TMEM255A: variants seen among roughly 807,000 people sequenced by gnomAD.
TMEM255A encodes the protein family with sequence similarity 70, member A.
Under a neutral mutation model 23.5 loss-of-function variants are expected in TMEM255A, and 14 were observed. The observed-to-expected ratio is 0.60, with a 90% CI of 0.39 to 0.93. The LOEUF is 0.93. Ranked by LOEUF, TMEM255A falls within the 40% of genes least tolerant of loss-of-function variation. The probability of loss-of-function intolerance (pLI) is 0.00; values close to 1 mark genes in which losing one functional copy is unlikely to be tolerated. For missense variants in TMEM255A, 233 were observed against 261.7 expected (o/e 0.89, Z 0.76); for synonymous variants, 104 against 100.3 (o/e 1.04, Z -0.22).
chrX:120,254,660 C>A, downstream of TMEM255A: 1 of 1,211,730 alleles, frequency 8.3e-7, no homozygotes, highest in Non-Finnish European at 1.1e-6. Flanking sequence ...GTCAGAAGAT[C>A]ATTACTTTAG....
At chrX:120,297,138 ATATAT>A (rs1429427919) in intron 2 of TMEM255A, among the ~76,000 whole-genome samples, 3 of 47,220 alleles carry the variant, frequency 6.4e-5, no homozygotes, top group Non-Finnish European at 1.0e-4. Context: ...ATAATATTAT[ATATAT>A]TATATTATAT....
chrX:120,263,876 T>A (rs1282283834), intron 8 of TMEM255A, among the ~76,000 whole-genome samples: 1 of 111,610 alleles, frequency 9.0e-6, no homozygotes, highest in Non-Finnish European at 1.9e-5. Context: ...CTCAGCAACC[T>A]GTGCCATAAA....
At chrX:120,282,006 G>T (rs1327345869) in intron 6 of TMEM255A, among the ~76,000 whole-genome samples, 4 of 112,178 alleles carry the variant, frequency 3.6e-5, no homozygotes, top group African/African-American at 1.3e-4. Flanking sequence ...TGATGTTTTT[G>T]TTCCCACTTT....
At chrX:120,281,391 A>C (rs2057836323) in intron 6 of TMEM255A, among the ~76,000 whole-genome samples, 1 of 112,232 alleles carries the variant, frequency 8.9e-6, no homozygotes, top group Non-Finnish European at 1.9e-5. Context: ...CAAAGTAGGC[A>C]GCAGAAGATC....
chrX:120,267,973 G>C lies in TMEM255A; in HGVS notation c.819+271C>G, dbSNP rs1373336911. Reference sequence around the variant, plus strand: ...CTTGGTGTAGTTTAAGGCAATTTGGGATACCTTGATCCTACCTCCCTCTCT... The same window carrying C: ...CTTGGTGTAGTTTAAGGCAATTTGGCATACCTTGATCCTACCTCCCTCTCT... On this transcript the variant is annotated intron_variant, in intron 8 of 8. Coordinates refer to ENST00000371369, the MANE Select transcript of TMEM255A (RefSeq NM_001104544.3). 2.3e-4 allele frequency among the ~76,000 whole-genome samples: 25 copies of C among 110,712 alleles called. No homozygotes were observed. The Admixed American group carries it at 2.3e-3, about 10-fold the overall frequency.
At chrX:120,309,515 G>T (rs2058085444) in intron 1 of TMEM255A, among the ~76,000 whole-genome samples, 1 of 113,068 alleles carries the variant, frequency 8.8e-6, no homozygotes, top group African/African-American at 3.2e-5. Flanking sequence ...TTTGCAGGTG[G>T]TTAGGTGGTT....
In TMEM255A at chrX:120,260,023, G is replaced by A. The variant is rs1437869567; in HGVS notation, c.*847C>T. 3 of 487,325 alleles carry A rather than the reference G, an allele frequency of 6.2e-6. No homozygotes were observed. The highest frequency in any genetic ancestry group is 2.6e-5 in the African/African-American group (1 of 38,408). The allele number at this position is 487,325 out of a possible 1,213,427, so 40.2% of individuals were successfully genotyped here. A position where few individuals can be genotyped will look rare whatever the true frequency, so the allele number is the denominator to read the frequency against. Reference sequence around the variant, plus strand: ...AAAGATTAGTAACAATTCATATCACGACCCAAGAACCTAATTTATAACATT... The same window carrying A: ...AAAGATTAGTAACAATTCATATCACAACCCAAGAACCTAATTTATAACATT... On this transcript the variant is annotated 3_prime_UTR_variant, in exon 9 of 9. Transcript: ENST00000371369.
chrX:120,305,293 T>C (rs781955381), intron 1 of TMEM255A, among the ~76,000 whole-genome samples: 15 of 111,627 alleles, frequency 1.3e-4, no homozygotes, highest in African/African-American at 4.6e-4. Flanking sequence ...AGAAAAATGG[T>C]ATCTAGGCTC....
intron 8 of TMEM255A, among the ~76,000 whole-genome samples, chrX:120,266,505 G>A (rs1294686844): frequency 2.7e-5 from 3 of 111,719 alleles, no homozygotes; most frequent in Admixed American, 9.4e-5. Flanking sequence ...TCTGGGGTAG[G>A]ATTTGAATGA....
chrX:120,269,362 C>G lies in TMEM255A; in HGVS notation c.676-975G>C, dbSNP rs191216657. ...GTGGGGTAAATGATTTTTCCATCTT[C>G]TATGTCATTGATACCTCCCCCATTC... On this transcript the variant is annotated intron_variant, in intron 7 of 8. Transcript: ENST00000371369. 4.5e-5 allele frequency among the ~76,000 whole-genome samples: 5 copies of G among 111,803 alleles called. No individual in the cohort carries two copies. The East Asian group carries it at 8.4e-4, about 19-fold the overall frequency.
intron 7 of TMEM255A, 51 bp from the exon 8 acceptor site, chrX:120,268,438 A>G: frequency 1.8e-5 from 18 of 1,016,409 alleles, no homozygotes; most frequent in Non-Finnish European, 2.4e-5. Context: ...CACTAGGAGA[A>G]TGGTTAAATA....
At chrX:120,269,646 C>G (rs782045531) in intron 7 of TMEM255A, among the ~76,000 whole-genome samples, 1 of 111,558 alleles carries the variant, frequency 9.0e-6, no homozygotes, top group Admixed American at 9.5e-5. Context: ...AGCTACAAAC[C>G]TCAGTCATAA....
chrX:120,309,921 T>G (rs1175322948), intron 1 of TMEM255A: 1 of 111,599 alleles, frequency 9.0e-6, no homozygotes, highest in Non-Finnish European at 1.9e-5. Context: ...TTATACTGAA[T>G]ATGCAAAACC....
At chrX:120,300,352 CTTTG>C (rs2058024696) in intron 2 of TMEM255A, among the ~76,000 whole-genome samples, 1 of 110,833 alleles carries the variant, frequency 9.0e-6, no homozygotes, top group African/African-American at 3.3e-5. Flanking sequence ...TCCAGTTTGT[CTTTG>C]TTTGTTGGTG....
chrX:120,283,286 C>T (rs1029544107), intron 6 of TMEM255A, among the ~76,000 whole-genome samples: 1 of 110,819 alleles, frequency 9.0e-6, no homozygotes, highest in African/African-American at 3.3e-5. Context: ...AATCCCTAAA[C>T]CTCATTTGAA....
At chrX:120,295,721 C>G (rs1361242383) in intron 2 of TMEM255A, among the ~76,000 whole-genome samples, 2 of 112,158 alleles carry the variant, frequency 1.8e-5, no homozygotes, top group Admixed American at 1.9e-4. Flanking sequence ...GTTAAGCTCT[C>G]TAAACCTCAA....
chrX:120,299,154 T>C (rs1005865458), intron 2 of TMEM255A, among the ~76,000 whole-genome samples: 6 of 111,486 alleles, frequency 5.4e-5, no homozygotes, highest in Non-Finnish European at 1.1e-4. Context: ...AATGTATTTA[T>C]TTATTTAGAG....
At chrX:120,311,048 G>A (rs782424760) in intron 1 of TMEM255A, among the ~76,000 whole-genome samples, 1 of 110,785 alleles carries the variant, frequency 9.0e-6, no homozygotes, top group Non-Finnish European at 1.9e-5. Flanking sequence ...TTGGCGCTCC[G>A]ATCTCCGCAC....
Position 120,260,397 on chromosome X carries a change from T to G in TMEM255A, c.*473A>C, listed in dbSNP as rs1389750977. ...AAATCTTAGCCAGAACTCTCTGTAT[T>G]GGAACTACTGTGTAGCCCCATCAGC... On this transcript the variant is annotated 3_prime_UTR_variant, in exon 9 of 9. Coordinates refer to ENST00000371369, the MANE Select transcript of TMEM255A (RefSeq NM_001104544.3). 1 of 122,989 alleles carries G rather than the reference T, an allele frequency of 8.1e-6. No homozygotes were observed. Among genetic ancestry groups the G allele is most frequent in the African/African-American group, 3.2e-5 (1 of 31,245 alleles). The allele number at this position is 122,989 out of a possible 1,213,427, so 10.1% of individuals were successfully genotyped here.
Sources: gnomAD v4.1 joint callset for allele counts (sites outside exome capture counted in the v4.1 genomes callset) on GRCh38, gnomAD v4.1.1 for gene constraint, MANE v1.5 for transcripts, NCBI Gene and HGNC (gene_info 2026-07-23, HGNC 2026-07-21) for gene names.